The following ZNF512B variants were observed in gnomAD, a reference collection of about 807,000 sequenced individuals.
The protein encoded by ZNF512B is zinc finger protein 512B.
Under a neutral mutation model 87.8 loss-of-function variants are expected in ZNF512B, and 22 were observed. The ratio of observed to expected loss-of-function variants is 0.25; its 90% CI spans 0.18 to 0.36. ZNF512B has a LOEUF of 0.36. Ranked by LOEUF, ZNF512B falls within the 10% of genes least tolerant of loss-of-function variation. ZNF512B has a pLI of 1.00. For missense variants in ZNF512B, 1,060 were observed against 1,231.6 expected, an observed-to-expected ratio of 0.86 and a Z score of 2.09; for synonymous variants, 524 against 490.9, an observed-to-expected ratio of 1.07 and a Z score of -0.89.
rs1240848067 is a variant in ZNF512B at position 63,969,005 on chromosome 20, G to A, written c.-3+809C>T. On this transcript the variant is annotated intron_variant, in intron 1 of 16. Transcript: ENST00000369888. ...AGCTTCTAATTAACTTGGATCCGAG[G>A]GGATGGGAAGGGGCTGCTGTGTCCA... is the stretch of plus-strand genomic sequence containing the variant. The A allele has an allele frequency of 8.6e-6, 5 of 578,936 alleles. No homozygotes were observed. The South Asian group carries it at 2.3e-4, about 26-fold the overall frequency. 35.9% of individuals were successfully genotyped at this position (578,936 alleles called of 1,614,324 possible). A position where few individuals can be genotyped will look rare whatever the true frequency, so the allele number is the denominator to read the frequency against.
intron 16 of ZNF512B, among the ~76,000 whole-genome samples, 181 bp from the exon 17 acceptor site, chr20:63,960,320 G>A (rs1008260709): frequency 5.4e-5 from 8 of 147,560 alleles, no homozygotes; most frequent in African/African-American, 2.0e-4. Flanking sequence ...CAGCCTTCGG[G>A]ACCAGGCAAG....
chr20:63,958,628 AG>A lies in ZNF512B; in HGVS notation c.*1259del, dbSNP rs2146879076. ...GGCAGGACCCCAGGGAGGGAGCCAC[AG>A]GCTGTGGCCACCTCTTCCAGGCACC... On this transcript the variant is annotated 3_prime_UTR_variant, in exon 17 of 17. Transcript: ENST00000369888. The A allele has an allele frequency of 6.6e-6, 1 of 151,678 alleles. No individual in the cohort carries two copies. Among genetic ancestry groups the A allele is most frequent in the South Asian group, 2.1e-4 (1 of 4,814 alleles). The allele number at this position is 151,678 out of a possible 1,614,324, so 9.4% of individuals were successfully genotyped here. A position where few individuals can be genotyped will look rare whatever the true frequency, so the allele number is the denominator to read the frequency against.
At chr20:63,968,951 G>A (rs1456489883) in intron 1 of ZNF512B, among the ~76,000 whole-genome samples, 6 of 152,368 alleles carry the variant, frequency 3.9e-5, no homozygotes, top group East Asian at 1.9e-4. Flanking sequence ...CAGGGTGAGG[G>A]TTGAGTGGGC....
Position 63,963,716 on chromosome 20 carries a change from G to A in ZNF512B, c.1606-6C>T, listed in dbSNP as rs13040004. The A allele has an allele frequency of 1.9e-6, 3 of 1,613,186 alleles. No individual in the cohort carries two copies. The highest frequency in any genetic ancestry group is 1.6e-4 in the Middle Eastern group (1 of 6,084). ...CACTTGAGTGCATCCTGAAGCTGCAGATGGCCCACATGTGAGAAGCCTGCC... is the reference window on the plus strand; with the variant it reads ...CACTTGAGTGCATCCTGAAGCTGCAAATGGCCCACATGTGAGAAGCCTGCC... On this transcript the variant is annotated splice_polypyrimidine_tract_variant and splice_region_variant and intron_variant, in intron 9 of 16. Coordinates refer to ENST00000369888, the MANE Select transcript of ZNF512B (RefSeq NM_020713.3).
At chr20:63,962,997 G>T in intron 12 of ZNF512B, 98 bp downstream of exon 12, 1 of 1,407,252 alleles carries the variant, frequency 7.1e-7, no homozygotes, top group Non-Finnish European at 9.4e-7. Flanking sequence ...CACACGCGTT[G>T]GGCGGTACAT....
intron 1 of ZNF512B, among the ~76,000 whole-genome samples, chr20:63,968,381 A>C (rs1286282796): frequency 6.6e-6 from 1 of 152,210 alleles, no homozygotes; most frequent in Non-Finnish European, 1.5e-5. Flanking sequence ...GGAGGCTGGC[A>C]ACATTCCTCC....
rs759356530 is a variant in ZNF512B at position 63,964,469 on chromosome 20, C to T, written c.1261+21G>A. 9 of 1,613,142 alleles carry T rather than the reference C, an allele frequency of 5.6e-6. No homozygotes were observed. In the East Asian group the frequency reaches 1.8e-4, roughly 32 times the overall value. On this transcript the variant is annotated intron_variant, in intron 6 of 16. Transcript: ENST00000369888. Reference sequence around the variant, plus strand: ...GAGGCCGAGCCTGCCCCGGCCGCCACCCCTGGAGCTCTCATCTTACTGTGC... The same window carrying T: ...GAGGCCGAGCCTGCCCCGGCCGCCATCCCTGGAGCTCTCATCTTACTGTGC...
At position 63,966,589 on chromosome 20, in the gene ZNF512B, T is replaced by C. The variant is rs372152054; in HGVS notation, c.586A>G (p.Lys196Glu). 152 of 1,613,748 alleles carry C rather than the reference T, an allele frequency of 9.4e-5. No individual in the cohort carries two copies. Among genetic ancestry groups the C allele is most frequent in the Non-Finnish European group, 9.9e-5 (117 of 1,180,038 alleles). ...VGVSKPIGVSKPVTIGKPVGV... is the reference protein window; with the variant it reads ...VGVSKPIGVSEPVTIGKPVGV... ...ACAGGTTTGCCAATAGTGACAGGTT[T>C]GCTCACTCCGATGGGCTTGCTGACC... is the stretch of plus-strand genomic sequence containing the variant. The change falls in exon 5 of 17, where the codon AAA (lysine) becomes GAA (glutamate). Residue 196 changes from lysine (K) to glutamate (E), a missense_variant. Coordinates refer to ENST00000369888, the MANE Select transcript of ZNF512B (RefSeq NM_020713.3).
chr20:63,959,984 G>A lies in ZNF512B; in HGVS notation c.2583C>T (p.Pro861=). The A allele has an allele frequency of 6.2e-7, 1 of 1,612,850 alleles. No individual in the cohort carries two copies. The highest frequency in any genetic ancestry group is 1.1e-5 in the South Asian group (1 of 91,090). ...CTGGAGGCCAGTCGTCCCGGCGCGG[G>A]GGCAGCTTGGCCACAGGCTCCTCTG... ...RTPEEPVAKL[P]PRRDDWPPGC... Residue 861 remains proline, a synonymous_variant, in exon 17 of 17, where the codon CCC becomes CCT. Coordinates refer to ENST00000369888, the MANE Select transcript of ZNF512B (RefSeq NM_020713.3).
At chr20:63,968,241 G>A (rs531390869) in intron 1 of ZNF512B, among the ~76,000 whole-genome samples, 1 of 152,324 alleles carries the variant, frequency 6.6e-6, no homozygotes, top group East Asian at 1.9e-4. Context: ...CCAACACGCA[G>A]CTCTACAGTG....
chr20:63,961,811 G>A lies in ZNF512B; in HGVS notation c.2328+131C>T, dbSNP rs2146884830. On this transcript the variant is annotated intron_variant, in intron 15 of 16. Transcript: ENST00000369888. This position sits in a 1 kb window ranked among gnomAD's most constrained non-coding sequence, Gnocchi z 6.4. ...CCACCGGCCAGTCTCTGGGTTCGTG[G>A]AAGAGGAGGCCACGTAGAAAAAGTA... The A allele has an allele frequency of 1.0e-6, 1 of 962,046 alleles. No homozygotes were observed. Among genetic ancestry groups the A allele is most frequent in the African/African-American group, 1.6e-5 (1 of 61,856 alleles). The allele number at this position is 962,046 out of a possible 1,614,324, so 59.6% of individuals were successfully genotyped here.
Position 63,963,598 on chromosome 20 carries a change from A to C in ZNF512B, c.1698+20T>G, listed in dbSNP as rs771962460. 3.1e-6 allele frequency: 5 copies of C among 1,612,638 alleles called. No homozygotes were observed. In the African/African-American group the frequency reaches 6.7e-5, roughly 22 times the overall value. ...GAGGTCAGAGGTCACGCTGGACGGG[A>C]GCTGGGGGCCCGACGGTACCTTGGC... is the stretch of plus-strand genomic sequence containing the variant. On this transcript the variant is annotated intron_variant, in intron 10 of 16. Transcript: ENST00000369888.
In ZNF512B at chr20:63,964,072, T is replaced by C; in HGVS notation, c.1479A>G (p.Pro493=). The change falls in exon 8 of 17, where the codon CCA becomes CCG. Residue 493 remains proline (P), a splice_region_variant and synonymous_variant. Coordinates refer to ENST00000369888, the MANE Select transcript of ZNF512B (RefSeq NM_020713.3). ...GAGCCCCTGCCAGGCAGCCCCTACC[T>C]GGAGCTGGGTGGGCCACAGGGGCCG... is the stretch of plus-strand genomic sequence containing the variant. The part of the protein sequence containing the change: ...EAPAPVAHPA[P]GGPEEQWQRA... 1.9e-6 allele frequency: 3 copies of C among 1,607,482 alleles called. No homozygotes were observed. The highest frequency in any genetic ancestry group is 2.5e-6 in the Non-Finnish European group (3 of 1,179,376).
At chr20:63,967,595 C>A in intron 2 of ZNF512B, 72 bp from the exon 3 acceptor site, 1 of 1,520,214 alleles carries the variant, frequency 6.6e-7, no homozygotes, top group Non-Finnish European at 8.8e-7. Context: ...CACAGGCCCA[C>A]AGTGAGCACC....
chr20:63,964,248 G>A lies in ZNF512B; in HGVS notation c.1334-31C>T, dbSNP rs2058894705. ...TGCACACATGGGGTGGAGAGAAACA[G>A]GGATGGGCTCAGGGGCTGTCACTCG... On this transcript the variant is annotated intron_variant, in intron 7 of 16. Transcript: ENST00000369888. 2.5e-6 allele frequency: 4 copies of A among 1,609,824 alleles called. No homozygotes were observed. The South Asian group carries it at 3.3e-5, about 13-fold the overall frequency.
At chr20:63,965,565 C>T (rs35794179) in intron 5 of ZNF512B, among the ~76,000 whole-genome samples, 997 of 7,512 alleles carry the variant, frequency 0.13, 278 homozygotes, top group Middle Eastern at 0.25. Context: ...TACCTTTTCT[C>T]ACCACTGTTC....
rs1469777222 is a variant in ZNF512B, at chr20:63,963,623, C to G, written c.1693G>C (p.Ala565Pro). Reference protein sequence around the residue: ...LNYHTMAEHSAKPSDAEASEG... With the variant: ...LNYHTMAEHSPKPSDAEASEG... The stretch of plus-strand genomic sequence containing the variant: ...AGCTGGGGGCCCGACGGTACCTTGG[C>G]ACTGTGCTCGGCCATAGTGTGGTAG... The change falls in exon 10 of 17, where the codon GCC becomes CCC. Residue 565 changes from alanine to proline, a missense_variant. Transcript: ENST00000369888. 6.2e-7 allele frequency: 1 copy of G among 1,613,556 alleles called. No individual in the cohort carries two copies. Among genetic ancestry groups the G allele is most frequent in the Admixed American group, 1.7e-5 (1 of 60,024 alleles).
At position 63,960,085 on chromosome 20, in the gene ZNF512B, A is replaced by C. The variant is rs776677636; in HGVS notation, c.2482T>G (p.Leu828Val). The change falls in exon 17 of 17, where the codon TTG (leucine) becomes GTG (valine). Residue 828 changes from leucine (L) to valine (V), a missense_variant. Leu to Val is a conservative substitution (Grantham distance 32). Transcript: ENST00000369888. Reference protein sequence around the residue: ...PPPKHRSQDSLVPKKEKKKNL... With the variant: ...PPPKHRSQDSVVPKKEKKKNL... ...TTCTTCTTTTCCTTCTTGGGCACCA[A>C]TGAGTCCTGGCTCCTGTGTTTGGGA... The C allele has an allele frequency of 1.2e-6, 2 of 1,613,970 alleles. No individual in the cohort carries two copies. The highest frequency in any genetic ancestry group is 1.7e-4 in the Middle Eastern group (1 of 6,060).
In ZNF512B at chr20:63,959,670, C is replaced by T; in HGVS notation, c.*218G>A. The T allele has an allele frequency of 1.6e-6, 1 of 628,946 alleles. No homozygotes were observed. Among genetic ancestry groups the T allele is most frequent in the Non-Finnish European group, 2.6e-6 (1 of 385,648 alleles). The allele number at this position is 628,946 out of a possible 1,614,324, so 39.0% of individuals were successfully genotyped here. A position where few individuals can be genotyped will look rare whatever the true frequency, so the allele number is the denominator to read the frequency against. On this transcript the variant is annotated 3_prime_UTR_variant, in exon 17 of 17. Transcript: ENST00000369888. ...TCCTGGCTATTGCACTTCTGCTGGGCACACCTTGGGGAGCCCCAACCCAGG... is the reference window on the plus strand; with the variant it reads ...TCCTGGCTATTGCACTTCTGCTGGGTACACCTTGGGGAGCCCCAACCCAGG...
Sources: allele counts gnomAD v4.1 joint callset (sites outside exome capture counted in the v4.1 genomes callset), GRCh38; gene constraint gnomAD v4.1.1; non-coding constraint Gnocchi (gnomAD v3.1); transcripts MANE v1.5; gene names NCBI Gene and HGNC (gene_info 2026-07-23, HGNC 2026-07-21).